Variants in VAV1 observed in about 807,000 individuals in gnomAD.
VAV1 encodes vav guanine nucleotide exchange factor 1, also known as proto-oncogene vav.
VAV1 carries 33 observed loss-of-function variants against 128.1 expected under a neutral mutation model. The ratio of observed to expected loss-of-function variants is 0.26; its 90% CI spans 0.20 to 0.34. VAV1 has a LOEUF of 0.34. Among genes scored for constraint, VAV1 ranks in the 10% least tolerant of loss-of-function variants. The pLI is 1.00. For synonymous variants in VAV1, 394 were observed against 409.8 expected (o/e 0.96, Z 0.47); for missense variants, 715 against 1,093.7 (o/e 0.65, Z 4.88).
intron 6 of VAV1, 46 bp from the exon 7 acceptor site, chr19:6,825,007 A>G: frequency 6.3e-7 from 1 of 1,595,210 alleles, no homozygotes; most frequent in Non-Finnish European, 8.6e-7. Context: ...ACTGGTCTGG[A>G]GGAGGGAATC....
intron 21 of VAV1, among the ~76,000 whole-genome samples, chr19:6,842,238 A>T (rs958364689): frequency 3.9e-5 from 6 of 152,082 alleles, no homozygotes; most frequent in Non-Finnish European, 8.8e-5. Flanking sequence ...CTCAAAAAGA[A>T]CAAATAAATA....
At chr19:6,850,262 G>C (rs1470661650) in intron 23 of VAV1, among the ~76,000 whole-genome samples, 1 of 107,826 alleles carries the variant, frequency 9.3e-6, no homozygotes, top group Non-Finnish European at 1.8e-5. Context: ...TAGTTTGCCA[G>C]ATGAGCAGGA....
At chr19:6,798,148 G>A (rs1326603817) in intron 1 of VAV1, among the ~76,000 whole-genome samples, 3 of 151,776 alleles carry the variant, frequency 2.0e-5, no homozygotes, top group South Asian at 2.1e-4. Context: ...ATGGTGGCAC[G>A]CACCTATAAT....
chr19:6,802,974 C>T (rs143545144), intron 1 of VAV1, among the ~76,000 whole-genome samples: 14 of 152,318 alleles, frequency 9.2e-5, no homozygotes, highest in Non-Finnish European at 1.3e-4. Flanking sequence ...AAAACTTACA[C>T]TCAAGTCTTT....
chr19:6,778,335 C>T (rs1970690137), intron 1 of VAV1, among the ~76,000 whole-genome samples: 1 of 152,152 alleles, frequency 6.6e-6, no homozygotes, highest in African/African-American at 2.4e-5. Flanking sequence ...AAAGATCCAC[C>T]AGGACATGGG....
At chr19:6,804,730 T>A (rs1389220760) in intron 1 of VAV1, among the ~76,000 whole-genome samples, 1 of 148,832 alleles carries the variant, frequency 6.7e-6, no homozygotes, top group Non-Finnish European at 1.5e-5. Flanking sequence ...ACCTCCTTTT[T>A]TTTTTTTTTT....
chr19:6,836,304 C>T lies in VAV1; in HGVS notation c.1778-128C>T, dbSNP rs753328759. On this transcript the variant is annotated intron_variant, in intron 19 of 26. Coordinates refer to ENST00000602142, the MANE Select transcript of VAV1 (RefSeq NM_005428.4). The stretch of plus-strand genomic sequence containing the variant: ...GCAATGAGTGAAAATTCCAGTTTCT[C>T]CACGTCCTTGTCAACACTTAGTATT... 7 of 1,236,854 alleles carry T rather than the reference C, an allele frequency of 5.7e-6. No homozygotes were observed. In the African/African-American group the frequency reaches 6.1e-5, roughly 11 times the overall value. The allele number at this position is 1,236,854 out of a possible 1,614,324, so 76.6% of individuals were successfully genotyped here. A position where few individuals can be genotyped will look rare whatever the true frequency, so the allele number is the denominator to read the frequency against.
chr19:6,808,829 G>T (rs772024253), intron 1 of VAV1, among the ~76,000 whole-genome samples: 2 of 152,152 alleles, frequency 1.3e-5, no homozygotes, highest in Non-Finnish European at 2.9e-5. Context: ...CTTGGCTGGG[G>T]TAGGTAGTCT....
intron 24 of VAV1, 55 bp from the exon 25 acceptor site, chr19:6,852,910 C>T (rs905171391): frequency 2.3e-5 from 34 of 1,466,270 alleles, no homozygotes; most frequent in South Asian, 2.1e-4. Flanking sequence ...CCTAGCTCTG[C>T]CCCCTTATGG....
At chr19:6,838,558 A>G (rs576185507) in intron 21 of VAV1, among the ~76,000 whole-genome samples, 4 of 152,054 alleles carry the variant, frequency 2.6e-5, no homozygotes, top group South Asian at 2.1e-4. Flanking sequence ...CTCTCTGCCT[A>G]TTTTTCACCT....
chr19:6,827,170 C>T (rs372450721), intron 9 of VAV1: 27 of 167,474 alleles, frequency 1.6e-4, no homozygotes, highest in Admixed American at 1.1e-3. Flanking sequence ...GATCTGTCCC[C>T]CTCCCCATCT....
intron 1 of VAV1, among the ~76,000 whole-genome samples, chr19:6,814,674 T>TCCTTCCTTCCTTTCTCTCTCTCTC (rs1568299208): frequency 1.1e-5 from 1 of 95,182 alleles, no homozygotes; most frequent in African/African-American, 5.5e-5. Flanking sequence ...CTTCCTTCCT[T>TCCTTCCTTCCTTTCTCTCTCTCTC]TCTTTCTTTC....
At chr19:6,853,693 C>T (rs1476034081) in intron 25 of VAV1, among the ~76,000 whole-genome samples, 3 of 151,390 alleles carry the variant, frequency 2.0e-5, no homozygotes, top group East Asian at 1.9e-4. Flanking sequence ...ATTGTGCCAC[C>T]GCACTCCAGT....
At chr19:6,788,366 T>C (rs939672598) in intron 1 of VAV1, among the ~76,000 whole-genome samples, 5 of 143,234 alleles carry the variant, frequency 3.5e-5, no homozygotes, top group African/African-American at 1.3e-4. Flanking sequence ...ATTATTATTA[T>C]TATTATTATT....
intron 1 of VAV1, among the ~76,000 whole-genome samples, chr19:6,815,772 T>C (rs942828288): frequency 1.3e-5 from 2 of 152,156 alleles, no homozygotes; most frequent in Admixed American, 6.5e-5. Flanking sequence ...ATGACTTACC[T>C]TGAAGAGTTG....
At chr19:6,774,410 G>A (rs1025527231) in intron 1 of VAV1, among the ~76,000 whole-genome samples, 145 of 146,284 alleles carry the variant, frequency 9.9e-4, no homozygotes, top group African/African-American at 3.6e-3. Flanking sequence ...TTACAGGTGT[G>A]AGCCACCGCG....
In VAV1 at chr19:6,797,319, C is replaced by A. The variant is rs370802899; in HGVS notation, c.205-23383C>A. 1.4e-4 allele frequency among the ~76,000 whole-genome samples: 22 copies of A among 151,896 alleles called. 2 individuals carry two copies. Among genetic ancestry groups the A allele is most frequent in the East Asian group, 3.9e-4 (2 of 5,168 alleles). On this transcript the variant is annotated intron_variant, in intron 1 of 26. Coordinates refer to ENST00000602142, the MANE Select transcript of VAV1 (RefSeq NM_005428.4). ...CACCTGCTACTCCCTTTGCTTGGAG[C>A]CTTTTTACCCCCTTCACACTCTAAA...
chr19:6,781,731 A>T (rs752052267), intron 1 of VAV1, among the ~76,000 whole-genome samples: 18 of 151,560 alleles, frequency 1.2e-4, no homozygotes, highest in Non-Finnish European at 1.9e-4. Flanking sequence ...CCTCAGCCTC[A>T]CAAGTAGCTG....
At chr19:6,847,817 A>G (rs1450425249) in intron 22 of VAV1, among the ~76,000 whole-genome samples, 181 bp from the exon 23 acceptor site, 1 of 152,142 alleles carries the variant, frequency 6.6e-6, no homozygotes, top group Non-Finnish European at 1.5e-5. Context: ...CCCGCTCCCC[A>G]TGTCTGGGCT....
Sources: allele counts gnomAD v4.1 joint callset (sites outside exome capture counted in the v4.1 genomes callset), GRCh38; gene constraint gnomAD v4.1.1; transcripts MANE v1.5; gene names NCBI Gene and HGNC (gene_info 2026-07-23, HGNC 2026-07-21).